GET4: variants seen among roughly 807,000 people sequenced by gnomAD.
GET4 encodes Golgi to ER traffic protein 4 homolog.
GET4 carries 20 observed loss-of-function variants against 40.0 expected under a neutral mutation model. The observed-to-expected ratio is 0.50, with a 90% CI of 0.35 to 0.73. The LOEUF is 0.73. Among genes scored for constraint, GET4 ranks in the 30% least tolerant of loss-of-function variants. The probability of loss-of-function intolerance (pLI) is 0.01; values close to 1 mark genes in which losing one functional copy is unlikely to be tolerated. For synonymous variants in GET4, 280 were observed against 194.6 expected (o/e 1.44, Z -3.65); for missense variants, 557 against 454.0 (o/e 1.23, Z -2.06).
chr7:891,526 C>T (rs1022931371), intron 5 of GET4, among the ~76,000 whole-genome samples: 3 of 152,136 alleles, frequency 2.0e-5, no homozygotes, highest in Non-Finnish European at 2.9e-5. Context: ...TCTGCTCCTG[C>T]GTGGTCCCTC....
chr7:877,348 T>C (rs1297933995), intron 1 of GET4, among the ~76,000 whole-genome samples: 6 of 79,356 alleles, frequency 7.6e-5, no homozygotes, highest in African/African-American at 2.1e-4. Flanking sequence ...CGTCTCTCTC[T>C]CGCCGTCCTC....
At chr7:894,135 G>A (rs1228691261) in intron 8 of GET4, among the ~76,000 whole-genome samples, 164 bp downstream of exon 8, 1 of 152,208 alleles carries the variant, frequency 6.6e-6, no homozygotes, top group Non-Finnish European at 1.5e-5. Flanking sequence ...TTAGATTTCA[G>A]AGTTGAGAAT....
rs376197716 is a variant in GET4, at chr7:887,533, C to G, written c.466+14C>G. 2 of 1,515,572 alleles carry G rather than the reference C, an allele frequency of 1.3e-6. No homozygotes were observed. The highest frequency in any genetic ancestry group is 1.4e-5 in the African/African-American group (1 of 71,898). The allele number at this position is 1,515,572 out of a possible 1,614,324, so 93.9% of individuals were successfully genotyped here. On this transcript the variant is annotated intron_variant, in intron 4 of 8. Transcript: ENST00000265857. ...CCCTGTGGAAAGGTAGGCCTGGGGC[C>G]AGGGCAGGCGTGGGCACCTCTCTGC...
Position 887,536 on chromosome 7 carries a change from G to A in GET4, c.466+17G>A. The A allele has an allele frequency of 6.7e-7, 1 of 1,502,376 alleles. No homozygotes were observed. Among genetic ancestry groups the A allele is most frequent in the South Asian group, 1.3e-5 (1 of 75,454 alleles). The allele number at this position is 1,502,376 out of a possible 1,614,324, so 93.1% of individuals were successfully genotyped here. A position where few individuals can be genotyped will look rare whatever the true frequency, so the allele number is the denominator to read the frequency against. ...TGTGGAAAGGTAGGCCTGGGGCCAG[G>A]GCAGGCGTGGGCACCTCTCTGCTCT... is the stretch of plus-strand genomic sequence containing the variant. On this transcript the variant is annotated intron_variant, in intron 4 of 8. Transcript: ENST00000265857.
intron 1 of GET4, chr7:883,055 T>C (rs1057322015): frequency 1.3e-5 from 2 of 152,234 alleles, no homozygotes; most frequent in Non-Finnish European, 2.9e-5. Context: ...GAAAACGGTC[T>C]AGTGTGTGCG....
intron 8 of GET4, 65 bp from the exon 9 acceptor site, chr7:895,269 A>C: frequency 1.3e-6 from 1 of 753,760 alleles, no homozygotes; most frequent in African/African-American, 1.8e-5. Context: ...GTTTGTGGGA[A>C]GGAGGGGCTT....
At position 884,846 on chromosome 7, in the gene GET4, A is replaced by G. The variant is rs560702175; in HGVS notation, c.156-1210A>G. 9.1e-5 allele frequency: 14 copies of G among 154,354 alleles called. No individual in the cohort carries two copies. In the South Asian group the frequency reaches 1.8e-3, roughly 19 times the overall value. 9.6% of individuals were successfully genotyped at this position (154,354 alleles called of 1,614,324 possible). A position where few individuals can be genotyped will look rare whatever the true frequency, so the allele number is the denominator to read the frequency against. On this transcript the variant is annotated intron_variant, in intron 1 of 8. Transcript: ENST00000265857. ...TGTCATCCGTCTAGGCAGTGGTGCA[A>G]TCATGGCTTACTGCGGCCTTGACTA...
Position 876,651 on chromosome 7 carries a change from G to A in GET4, c.6G>A (p.Ala2=). Residue 2 remains alanine, a synonymous_variant, in exon 1 of 9, where the codon GCG becomes GCA. Coordinates refer to ENST00000265857, the MANE Select transcript of GET4 (RefSeq NM_015949.3). The stretch of plus-strand genomic sequence containing the variant: ...CTGCGCGGAGCGCCGGCCCGATGGC[G>A]GCGGCGGCGGCGATGGCCGAGCAGG... M[A]AAAAMAEQES... The A allele has an allele frequency of 1.6e-6, 2 of 1,273,604 alleles. No homozygotes were observed. Among genetic ancestry groups the A allele is most frequent in the South Asian group, 2.1e-5 (1 of 46,998 alleles). 78.9% of individuals were successfully genotyped at this position (1,273,604 alleles called of 1,614,324 possible).
intron 4 of GET4, among the ~76,000 whole-genome samples, chr7:889,403 C>T (rs1176956146): frequency 2.6e-5 from 4 of 152,266 alleles, no homozygotes; most frequent in Non-Finnish European, 4.4e-5. Flanking sequence ...TGGTGCTTCC[C>T]TCCTGGGGAT....
chr7:892,681 G>C (rs1844355494), intron 6 of GET4, among the ~76,000 whole-genome samples: 1 of 151,184 alleles, frequency 6.6e-6, no homozygotes, highest in Non-Finnish European at 1.5e-5. Flanking sequence ...TAGGTGTTGG[G>C]CCTCTGGTAG....
intron 1 of GET4, among the ~76,000 whole-genome samples, chr7:878,574 CTTTT>C (rs1261640394): frequency 1.5e-5 from 2 of 130,436 alleles, no homozygotes; most frequent in Non-Finnish European, 1.6e-5. Flanking sequence ...TTTTAATAAA[CTTTT>C]TTTTTTTTTT....
At chr7:892,989 TGGGGGC>T (rs1199541274) in intron 6 of GET4, among the ~76,000 whole-genome samples, 6 of 150,042 alleles carry the variant, frequency 4.0e-5, no homozygotes, top group Admixed American at 2.7e-4. Context: ...AGGTAAGTGT[TGGGGGC>T]GGGCGTGGTG....
intron 3 of GET4, chr7:887,120 C>A (rs778038895): frequency 3.0e-6 from 2 of 664,396 alleles, no homozygotes; most frequent in Non-Finnish European, 5.7e-6. Context: ...TCCAGCTCCC[C>A]ACGGCACCTT....
chr7:876,622 AGCC>A lies in GET4; in HGVS notation c.-23_-21del, dbSNP rs963395248. ...TGCCGACCGCGCCTGCGACAGCGTC[AGCC>A]CTGCGCGGAGCGCCGGCCCGATGGC... On this transcript the variant is annotated 5_prime_UTR_variant, in exon 1 of 9. Transcript: ENST00000265857. The A allele has an allele frequency of 8.3e-7, 1 of 1,200,546 alleles. No homozygotes were observed. Among genetic ancestry groups the A allele is most frequent in the Admixed American group, 4.6e-5 (1 of 21,506 alleles). The allele number at this position is 1,200,546 out of a possible 1,614,324, so 74.4% of individuals were successfully genotyped here. A position where few individuals can be genotyped will look rare whatever the true frequency, so the allele number is the denominator to read the frequency against.
chr7:895,368 G>A lies in GET4; in HGVS notation c.930G>A (p.Glu310=). Residue 310 remains glutamate, a synonymous_variant, in exon 9 of 9, where the codon GAG becomes GAA. Coordinates refer to ENST00000265857, the MANE Select transcript of GET4 (RefSeq NM_015949.3). The part of the protein sequence containing the change: ...NLLTSLMGSS[E]QEDGEESPSD... ...TGACCAGCCTCATGGGCTCCTCAGA[G>A]CAGGAGGATGGGGAGGAGAGCCCCA... 1 of 1,599,162 alleles carries A rather than the reference G, an allele frequency of 6.3e-7. No individual in the cohort carries two copies. The highest frequency in any genetic ancestry group is 8.6e-7 in the Non-Finnish European group (1 of 1,167,890).
chr7:890,808 G>A, intron 4 of GET4, 120 bp from the exon 5 acceptor site: 1 of 775,814 alleles, frequency 1.3e-6, no homozygotes, highest in Non-Finnish European at 2.2e-6. Flanking sequence ...GTGGGCTCTG[G>A]CTGGGCTCTC....
chr7:889,726 C>T (rs573942974), intron 4 of GET4, among the ~76,000 whole-genome samples: 2 of 106,298 alleles, frequency 1.9e-5, no homozygotes, highest in African/African-American at 7.3e-5. Flanking sequence ...GGAGTGCGAG[C>T]GGGTGTTAGG....
chr7:884,698 C>G (rs1455908063), intron 1 of GET4: 1 of 175,712 alleles, frequency 5.7e-6, no homozygotes, highest in East Asian at 1.8e-4. Context: ...GCGTTCTCGG[C>G]TGGCCTTCCC....
chr7:893,414 GTGCAGGTGAGTGTTGGGTGCAGGCATGGT>G (rs1296377551), intron 6 of GET4, among the ~76,000 whole-genome samples: 57 of 141,894 alleles, frequency 4.0e-4, no homozygotes, highest in African/African-American at 3.2e-4. Flanking sequence ...GCGGTGGTGT[GTGCAGGTGAGTGTTGGGTGCAGGCATGGT>G]TGCAGGTGAG....
Sources: allele counts gnomAD v4.1 joint callset (sites outside exome capture counted in the v4.1 genomes callset), GRCh38; gene constraint gnomAD v4.1.1; transcripts MANE v1.5; gene names NCBI Gene and HGNC (gene_info 2026-07-23, HGNC 2026-07-21).